Variants in IL13RA1 observed in about 807,000 individuals in gnomAD.
IL13RA1 encodes the protein interleukin-13 receptor subunit alpha-1.
IL13RA1 carries 14 observed loss-of-function variants against 33.8 expected under a neutral mutation model. That is an observed-to-expected ratio of 0.41 (90% confidence interval 0.27 to 0.65). IL13RA1 has a LOEUF of 0.65. Among genes scored for constraint, IL13RA1 ranks in the 30% least tolerant of loss-of-function variants. IL13RA1 has a pLI of 0.28. For synonymous variants in IL13RA1, 116 were observed against 115.7 expected (o/e 1.00, Z -0.02); for missense variants, 313 against 327.0 (o/e 0.96, Z 0.33).
In IL13RA1 at chrX:118,761,072, C is replaced by T. The variant is rs763587493; in HGVS notation, c.677-66C>T. 5.0e-4 allele frequency: 244 copies of T among 485,617 alleles called. No individual in the cohort carries two copies. In the African/African-American group the frequency reaches 5.9e-3, roughly 12 times the overall value. The allele number at this position is 485,617 out of a possible 1,213,427, so 40.0% of individuals were successfully genotyped here. A position where few individuals can be genotyped will look rare whatever the true frequency, so the allele number is the denominator to read the frequency against. On this transcript the variant is annotated intron_variant, in intron 5 of 10. Transcript: ENST00000371666. The stretch of plus-strand genomic sequence containing the variant: ...TGTGGAATCCATGGATATGGAGGGC[C>T]GACTGTGTGTTTGTGTGTATAATCA...
chrX:118,784,090 A>AAAAATAT lies in IL13RA1; in HGVS notation c.1191+7580_1191+7581insAAATATA, dbSNP rs1556372973. On this transcript the variant is annotated intron_variant, in intron 10 of 10. Coordinates refer to ENST00000371666, the MANE Select transcript of IL13RA1 (RefSeq NM_001560.3). ...AGACTCTGTCGCCAAAAAAAAAAAA[A>AAAAATAT]ATATATATATATATATATACGTATA... Among the ~76,000 whole-genome samples, 6 of 63,959 alleles carry AAAAATAT rather than the reference A, an allele frequency of 9.4e-5. 1 individual carries two copies. Among genetic ancestry groups the AAAAATAT allele is most frequent in the African/African-American group, 4.4e-4 (6 of 13,506 alleles). 55.5% of individuals were successfully genotyped at this position (63,959 alleles called of 115,157 possible).
At chrX:118,766,678 G>T (rs1051013171) in intron 7 of IL13RA1, 101 bp downstream of exon 7, 12 of 594,633 alleles carry the variant, frequency 2.0e-5, no homozygotes, top group African/African-American at 4.5e-5. Flanking sequence ...AAATTACGTT[G>T]TTCCGTGAGT....
intron 8 of IL13RA1, among the ~76,000 whole-genome samples, chrX:118,772,722 C>T (rs1422456420): frequency 8.9e-6 from 1 of 111,918 alleles, no homozygotes; most frequent in Non-Finnish European, 1.9e-5. Flanking sequence ...ACCACTCATT[C>T]GTTTATACTC....
chrX:118,780,918 T>A (rs1435140069), intron 10 of IL13RA1, among the ~76,000 whole-genome samples: 1 of 112,302 alleles, frequency 8.9e-6, no homozygotes, highest in Non-Finnish European at 1.9e-5. Flanking sequence ...TTAAACACTG[T>A]CTTCTTCCAC....
the IL13RA1 span, among the ~76,000 whole-genome samples, chrX:118,802,125 C>T: frequency 9.0e-6 from 1 of 110,633 alleles, no homozygotes; most frequent in African/African-American, 3.3e-5. Context: ...TGAGGGTTGC[C>T]GTACACTCTG....
At chrX:118,730,027 G>A (rs953900742) in intron 1 of IL13RA1, among the ~76,000 whole-genome samples, 2 of 112,593 alleles carry the variant, frequency 1.8e-5, no homozygotes, top group East Asian at 2.8e-4. Flanking sequence ...ATATTAGGCC[G>A]GGTGCAGTGG....
Position 118,747,369 on chromosome X carries a change from T to TCA in IL13RA1, c.367+291_367+292dup, listed in dbSNP as rs927667124. Among the ~76,000 whole-genome samples, 11 of 107,589 alleles carry TCA rather than the reference T, an allele frequency of 1.0e-4. No individual in the cohort carries two copies. In the East Asian group the frequency reaches 3.2e-3, roughly 31 times the overall value. The allele number at this position is 107,589 out of a possible 115,157, so 93.4% of individuals were successfully genotyped here. On this transcript the variant is annotated intron_variant, in intron 3 of 10. Coordinates refer to ENST00000371666, the MANE Select transcript of IL13RA1 (RefSeq NM_001560.3). ...CATGCACGCGCGCGCACACACACAC[T>TCA]CACACACACACACACGCACACCCCT...
intron 2 of IL13RA1, among the ~76,000 whole-genome samples, chrX:118,743,924 T>A (rs1479772279): frequency 8.9e-6 from 1 of 111,832 alleles, no homozygotes. Flanking sequence ...GGCGGGCTGA[T>A]CACCTGAGGT....
At chrX:118,801,531 C>A in the IL13RA1 span, among the ~76,000 whole-genome samples, 1 of 112,030 alleles carries the variant, frequency 8.9e-6, no homozygotes, top group Non-Finnish European at 1.9e-5. Context: ...ATTTTCGTAT[C>A]TTTTTTCTCC....
intron 10 of IL13RA1, among the ~76,000 whole-genome samples, chrX:118,784,093 A>G (rs1302124681): frequency 3.5e-5 from 2 of 56,901 alleles, no homozygotes; most frequent in East Asian, 1.7e-3. Flanking sequence ...AAAAAAAAAT[A>G]TATATATATA....
chrX:118,782,767 ATTT>A (rs35301680), intron 10 of IL13RA1, among the ~76,000 whole-genome samples: 16,818 of 99,102 alleles, frequency 0.17, 1,388 homozygotes, highest in East Asian at 0.42. Flanking sequence ...CCAGCTAATA[ATTT>A]TTTTTTTTTT....
Position 118,731,476 on chromosome X carries a change from C to A in IL13RA1, c.88+3750C>A, listed in dbSNP as rs145160974. ...CCTGTAATCCCAACTACTCGGAAGG[C>A]TGAGGCAGGAGAATCGCTTGAACCC... On this transcript the variant is annotated intron_variant, in intron 1 of 10. Coordinates refer to ENST00000371666, the MANE Select transcript of IL13RA1 (RefSeq NM_001560.3). Among the ~76,000 whole-genome samples, 19 of 108,913 alleles carry A rather than the reference C, an allele frequency of 1.7e-4. No homozygotes were observed. The East Asian group carries it at 5.3e-3, about 30-fold the overall frequency. 94.6% of individuals were successfully genotyped at this position (108,913 alleles called of 115,157 possible).
At chrX:118,800,792 T>C in the IL13RA1 span, among the ~76,000 whole-genome samples, 6 of 109,975 alleles carry the variant, frequency 5.5e-5, no homozygotes, top group Admixed American at 5.7e-4. Context: ...TTTTATTTTA[T>C]TTATTTTTTT....
chrX:118,746,173 G>T lies in IL13RA1; in HGVS notation c.229-781G>T, dbSNP rs1262306210. Among the ~76,000 whole-genome samples the T allele has an allele frequency of 8.1e-5, 9 of 110,636 alleles. 1 individual carries two copies. Among genetic ancestry groups the T allele is most frequent in the African/African-American group, 3.0e-4 (9 of 30,305 alleles). ...GACAGGGTCTCACTGCATTGTCCAG[G>T]CTAGAGTGCAATCTTGGCTCACTGC... On this transcript the variant is annotated intron_variant, in intron 2 of 10. Coordinates refer to ENST00000371666, the MANE Select transcript of IL13RA1 (RefSeq NM_001560.3).
At chrX:118,790,773 C>A (rs994215247) in intron 10 of IL13RA1, among the ~76,000 whole-genome samples, 2 of 112,029 alleles carry the variant, frequency 1.8e-5, no homozygotes, top group Admixed American at 9.5e-5. Flanking sequence ...CTTGCCCAGT[C>A]CATCTTCAGT....
intron 6 of IL13RA1, among the ~76,000 whole-genome samples, chrX:118,765,574 G>T (rs892050221): frequency 8.9e-6 from 1 of 112,165 alleles, no homozygotes; most frequent in Non-Finnish European, 1.9e-5. Flanking sequence ...TGGACGTTTG[G>T]ATAGTTTCCC....
chrX:118,737,226 T>C (rs2017292462), intron 1 of IL13RA1, among the ~76,000 whole-genome samples: 1 of 112,406 alleles, frequency 8.9e-6, no homozygotes, highest in Admixed American at 9.4e-5. Context: ...TCCAGGAACA[T>C]GTGCACAGCC....
the IL13RA1 span, among the ~76,000 whole-genome samples, chrX:118,801,230 T>C: frequency 8.8e-6 from 1 of 113,012 alleles, no homozygotes; most frequent in Non-Finnish European, 1.9e-5. Flanking sequence ...TTGTTGCTTC[T>C]AGTGTTGCTT....
intron 5 of IL13RA1, among the ~76,000 whole-genome samples, chrX:118,759,961 C>T (rs945098655): frequency 1.3e-4 from 14 of 110,326 alleles, no homozygotes; most frequent in Admixed American, 6.8e-4. Flanking sequence ...TTTGTAGAGA[C>T]GGGGTTTTGC....
Sources: gnomAD v4.1 joint callset for allele counts (sites outside exome capture counted in the v4.1 genomes callset) on GRCh38, gnomAD v4.1.1 for gene constraint, MANE v1.5 for transcripts, NCBI Gene and HGNC (gene_info 2026-07-23, HGNC 2026-07-21) for gene names.